RAPGEF6: variants seen among roughly 807,000 people sequenced by gnomAD.
The protein encoded by RAPGEF6 is PDZ domain containing guanine nucleotide exchange factor (GEF) 2.
A neutral mutation model predicts 171.4 loss-of-function variants in RAPGEF6; 56 were observed. That is an observed-to-expected ratio of 0.33 (90% CI 0.26 to 0.41). RAPGEF6 has a LOEUF of 0.41. Among genes scored for constraint, RAPGEF6 ranks in the 10% least tolerant of loss-of-function variants. The pLI is 1.00. For missense variants in RAPGEF6, 1,674 were observed against 1,921.4 expected (o/e 0.87, Z 2.41); for synonymous variants, 692 against 650.1 (o/e 1.06, Z -0.98).
At chr5:131,473,222 G>A (rs1754872327) in intron 16 of RAPGEF6, among the ~76,000 whole-genome samples, 1 of 151,990 alleles carries the variant, frequency 6.6e-6, no homozygotes, top group Admixed American at 6.6e-5. Flanking sequence ...ATAACAATGG[G>A]GCCAAGGTCA....
chr5:131,626,426 T>C (rs1489286712), intron 1 of RAPGEF6, among the ~76,000 whole-genome samples: 1 of 152,074 alleles, frequency 6.6e-6, no homozygotes, highest in Non-Finnish European at 1.5e-5. Flanking sequence ...GCTCTAGACT[T>C]ACAGATTGGC....
intron 5 of RAPGEF6, among the ~76,000 whole-genome samples, chr5:131,549,921 T>C (rs943092897): frequency 6.6e-6 from 1 of 152,118 alleles, no homozygotes; most frequent in African/African-American, 2.4e-5. Flanking sequence ...TATGTGTCCA[T>C]GTGTTCTCAT....
chr5:131,454,744 C>T (rs1455329112), intron 20 of RAPGEF6, among the ~76,000 whole-genome samples: 1 of 152,070 alleles, frequency 6.6e-6, no homozygotes, highest in Non-Finnish European at 1.5e-5. Flanking sequence ...CCTACAGACA[C>T]CAATCGGAAT....
intron 11 of RAPGEF6, among the ~76,000 whole-genome samples, chr5:131,501,903 T>C (rs939055152): frequency 1.3e-5 from 2 of 152,188 alleles, no homozygotes; most frequent in Non-Finnish European, 2.9e-5. Context: ...AATACATACA[T>C]ATATTTCCTA....
chr5:131,527,048 A>G (rs1479640634), intron 6 of RAPGEF6, among the ~76,000 whole-genome samples: 1 of 152,176 alleles, frequency 6.6e-6, no homozygotes, highest in Non-Finnish European at 1.5e-5. Flanking sequence ...ATATAGAGCT[A>G]CTATAGGTTT....
chr5:131,512,362 A>AT (rs757817969), intron 7 of RAPGEF6, among the ~76,000 whole-genome samples: 1 of 86,602 alleles, frequency 1.2e-5, no homozygotes, highest in South Asian at 3.9e-4. Context: ...TTGGCTTTAC[A>AT]TTTTTTTTCT....
intron 1 of RAPGEF6, among the ~76,000 whole-genome samples, chr5:131,606,062 A>T (rs1256907602): frequency 6.6e-6 from 1 of 150,554 alleles, no homozygotes; most frequent in Non-Finnish European, 1.5e-5. Flanking sequence ...AAGAAAAAGA[A>T]AAGAAAAGAA....
chr5:131,529,144 G>A (rs1383501292), intron 6 of RAPGEF6, among the ~76,000 whole-genome samples: 4 of 148,048 alleles, frequency 2.7e-5, no homozygotes, highest in East Asian at 3.9e-4. Flanking sequence ...TCTCTCTAGA[G>A]AGACCACGGA....
At chr5:131,440,091 A>G (rs1254889910) in intron 23 of RAPGEF6, 1 of 392,004 alleles carries the variant, frequency 2.6e-6, no homozygotes, top group Non-Finnish European at 5.0e-6. Flanking sequence ...GGCCTCTCCA[A>G]GTCGGGGCGA....
chr5:131,590,635 A>T (rs1198431434), intron 4 of RAPGEF6, among the ~76,000 whole-genome samples: 8 of 152,230 alleles, frequency 5.3e-5, no homozygotes, highest in Non-Finnish European at 1.0e-4. Flanking sequence ...TAGAATAAAG[A>T]TTAAACTTCC....
chr5:131,522,150 TA>T (rs1363492284), intron 6 of RAPGEF6, among the ~76,000 whole-genome samples: 1 of 152,178 alleles, frequency 6.6e-6, no homozygotes, highest in Non-Finnish European at 1.5e-5. Context: ...ATGTCTGTAC[TA>T]GGCACAGGTA....
intron 15 of RAPGEF6, among the ~76,000 whole-genome samples, chr5:131,483,234 A>G (rs1439772243): frequency 6.6e-6 from 1 of 151,262 alleles, no homozygotes; most frequent in Non-Finnish European, 1.5e-5. Context: ...CTGTAATCCC[A>G]GTTACTCCAG....
intron 15 of RAPGEF6, among the ~76,000 whole-genome samples, chr5:131,487,680 A>G (rs1338176306): frequency 6.6e-6 from 1 of 152,154 alleles, no homozygotes; most frequent in Non-Finnish European, 1.5e-5. Flanking sequence ...GCTAGACAGA[A>G]ATGTTCTCCG....
At chr5:131,454,186 T>C (rs1257282494) in intron 20 of RAPGEF6, among the ~76,000 whole-genome samples, 2 of 152,196 alleles carry the variant, frequency 1.3e-5, no homozygotes, top group African/African-American at 2.4e-5. Context: ...TCTGAAGAGC[T>C]ATATCCTGAG....
At chr5:131,568,722 G>T (rs1049146225) in intron 4 of RAPGEF6, among the ~76,000 whole-genome samples, 3 of 152,186 alleles carry the variant, frequency 2.0e-5, no homozygotes, top group African/African-American at 7.2e-5. Context: ...ACTCCATACT[G>T]GAGACTCTCA....
At chr5:131,505,341 C>G in intron 10 of RAPGEF6, 23 bp downstream of exon 10, 1 of 1,611,556 alleles carries the variant, frequency 6.2e-7, no homozygotes, top group Non-Finnish European at 8.5e-7. Flanking sequence ...GACAAGAAGA[C>G]TTGACCAAAG....
chr5:131,633,558 C>T (rs1300325139), intron 1 of RAPGEF6, among the ~76,000 whole-genome samples: 2 of 151,838 alleles, frequency 1.3e-5, no homozygotes, highest in African/African-American at 2.4e-5. Flanking sequence ...GGTGCAACCC[C>T]GTCTCTACTA....
intron 15 of RAPGEF6, among the ~76,000 whole-genome samples, chr5:131,487,912 T>A (rs1756029997): frequency 6.6e-6 from 1 of 152,196 alleles, no homozygotes; most frequent in African/African-American, 2.4e-5. Flanking sequence ...TACAAATATT[T>A]TACAAATATT....
intron 4 of RAPGEF6, among the ~76,000 whole-genome samples, chr5:131,581,615 T>C (rs979926590): frequency 6.6e-6 from 1 of 151,968 alleles, no homozygotes; most frequent in Admixed American, 6.6e-5. Flanking sequence ...ACCTCACCCA[T>C]CACCCCTCCA....
Sources: allele counts gnomAD v4.1 joint callset (sites outside exome capture counted in the v4.1 genomes callset), GRCh38; gene constraint gnomAD v4.1.1; transcripts MANE v1.5; gene names NCBI Gene and HGNC (gene_info 2026-07-23, HGNC 2026-07-21).